Variants in TMEM237 observed in about 807,000 individuals in gnomAD.
TMEM237 encodes amyotrophic lateral sclerosis 2 (juvenile) chromosome region, candidate 4.
A neutral mutation model predicts 59.1 loss-of-function variants in TMEM237; 51 were observed. That is an observed-to-expected ratio of 0.86 (90% confidence interval 0.69 to 1.09). The LOEUF (loss-of-function observed/expected upper bound fraction) is 1.09, where lower values mean the gene tolerates loss of function less well. Among genes scored for constraint, TMEM237 ranks in the 50% least tolerant of loss-of-function variants. The pLI is 0.00. For synonymous variants in TMEM237, 140 were observed against 166.1 expected, an observed-to-expected ratio of 0.84 and a Z score of 1.21; for missense variants, 475 against 478.3, an observed-to-expected ratio of 0.99 and a Z score of 0.06.
Position 201,633,318 on chromosome 2 carries a change from T to C in TMEM237, c.388A>G (p.Lys130Glu), listed in dbSNP as rs1421155601. ...GAATAAATAAATTCCTACTTTGTCT[T>C]CCTCCGAGGTTTTTGAATAACTGCC... The part of the protein sequence containing the change: ...EEAVIQKPRR[K>E]TKKTQPAELQ... Residue 130 changes from lysine (K) to glutamate (E), a missense_variant, in exon 6 of 13, where the codon AAG (lysine) becomes GAG (glutamate). Coordinates refer to ENST00000409883, the MANE Select transcript of TMEM237 (RefSeq NM_001044385.3). 2 of 1,598,214 alleles carry C rather than the reference T, an allele frequency of 1.3e-6. No individual in the cohort carries two copies. The highest frequency in any genetic ancestry group is 2.7e-5 in the African/African-American group (2 of 74,568).
chr2:201,638,594 A>C (rs566759766), intron 4 of TMEM237: 4 of 175,496 alleles, frequency 2.3e-5, no homozygotes, highest in African/African-American at 9.5e-5. Flanking sequence ...CTCATGCTGT[A>C]ATGTAGAGAT....
In TMEM237 at chr2:201,643,018, C is replaced by T. The variant is rs1390424172; in HGVS notation, c.42+341G>A. On this transcript the variant is annotated intron_variant, in intron 1 of 12. Transcript: ENST00000409883. The surrounding 1 kb of genome is among the most constrained non-coding windows in gnomAD (Gnocchi z 4.3). ...ATCTCTTCTGGGCAGCTACAGACCT[C>T]TCCTCGGAGGAGTCTAGGAGAGGCC... The T allele has an allele frequency of 5.4e-6, 7 of 1,289,932 alleles. No homozygotes were observed. The South Asian group carries it at 1.5e-4, about 27-fold the overall frequency. 79.9% of individuals were successfully genotyped at this position (1,289,932 alleles called of 1,614,324 possible).
chr2:201,636,933 C>T, intron 4 of TMEM237, 48 bp from the exon 5 acceptor site: 1 of 1,540,496 alleles, frequency 6.5e-7, no homozygotes, highest in Non-Finnish European at 8.7e-7. Context: ...GAGCAAAGAT[C>T]ACTGAATCTT....
chr2:201,629,986 G>A, intron 7 of TMEM237, 134 bp from the exon 8 acceptor site: 1 of 1,107,414 alleles, frequency 9.0e-7, no homozygotes, highest in Non-Finnish European at 1.3e-6. Flanking sequence ...AATTCTCCTT[G>A]ACTCAGTACC....
Position 201,622,476 on chromosome 2 carries a change from T to A in TMEM237, c.*1779A>T, listed in dbSNP as rs1278364410. The A allele has an allele frequency of 6.6e-6, 1 of 152,296 alleles. No individual in the cohort carries two copies. The highest frequency in any genetic ancestry group is 6.5e-5 in the Admixed American group (1 of 15,292). The allele number at this position is 152,296 out of a possible 1,614,324, so 9.4% of individuals were successfully genotyped here. On this transcript the variant is annotated 3_prime_UTR_variant, in exon 13 of 13. Coordinates refer to ENST00000409883, the MANE Select transcript of TMEM237 (RefSeq NM_001044385.3). ...TAGAACTCAGTTCCTTGTGGTTATG[T>A]GACTGAAATCCATTTCCTTGCTCAT...
chr2:201,639,164 C>T (rs376642280), intron 3 of TMEM237, 119 bp from the exon 4 acceptor site: 60 of 917,040 alleles, frequency 6.5e-5, no homozygotes, highest in Admixed American at 2.6e-4. Flanking sequence ...GCCTGGCAAA[C>T]GTTTATAGAT....
chr2:201,641,884 A>G (rs1212046636), intron 1 of TMEM237, among the ~76,000 whole-genome samples: 1 of 152,178 alleles, frequency 6.6e-6, no homozygotes, highest in African/African-American at 2.4e-5. Context: ...TGTTTCAGGT[A>G]AAAGGACAGC....
chr2:201,640,223 T>G, intron 3 of TMEM237, 38 bp downstream of exon 3: 1 of 1,529,160 alleles, frequency 6.5e-7, no homozygotes, highest in Non-Finnish European at 8.7e-7. Context: ...AACTAATTTT[T>G]GAACACCAAA....
Position 201,643,281 on chromosome 2 carries a change from CACA to C in TMEM237, c.42+75_42+77del. The C allele has an allele frequency of 3.7e-5, 50 of 1,335,340 alleles. No homozygotes were observed. Among genetic ancestry groups the C allele is most frequent in the Non-Finnish European group, 4.6e-5 (44 of 960,358 alleles). The allele number at this position is 1,335,340 out of a possible 1,614,324, so 82.7% of individuals were successfully genotyped here. A position where few individuals can be genotyped will look rare whatever the true frequency, so the allele number is the denominator to read the frequency against. On this transcript the variant is annotated intron_variant, in intron 1 of 12. Transcript: ENST00000409883. The surrounding 1 kb of genome is among the most constrained non-coding windows in gnomAD (Gnocchi z 4.3). ...GATTCCCAGCTCGTTGGCGCCCCCC[CACA>C]CACACCCACCCCCACTGCCAAGTGT...
chr2:201,640,824 C>T, intron 2 of TMEM237, 69 bp downstream of exon 2: 1 of 1,318,068 alleles, frequency 7.6e-7, no homozygotes, highest in Non-Finnish European at 1.0e-6. Context: ...TGATACTAGT[C>T]AATTTTTCCA....
intron 12 of TMEM237, among the ~76,000 whole-genome samples, chr2:201,625,649 A>G (rs1414835512): frequency 6.6e-6 from 1 of 152,098 alleles, no homozygotes; most frequent in Non-Finnish European, 1.5e-5. Context: ...TGACTTGAGT[A>G]TGTGTCCGAC....
At chr2:201,641,192 A>G (rs1336239053) in intron 1 of TMEM237, among the ~76,000 whole-genome samples, 2 of 152,100 alleles carry the variant, frequency 1.3e-5, no homozygotes, top group Admixed American at 6.5e-5. Flanking sequence ...GGGTTTCACC[A>G]TGTTGGCCAG....
chr2:201,639,094 T>A lies in TMEM237; in HGVS notation c.80-49A>T, dbSNP rs370357239. 386 of 1,495,240 alleles carry A rather than the reference T, an allele frequency of 2.6e-4. 2 individuals are homozygous for A. Among genetic ancestry groups the A allele is most frequent in the Admixed American group, 8.0e-5 (4 of 49,812 alleles). 92.6% of individuals were successfully genotyped at this position (1,495,240 alleles called of 1,614,324 possible). On this transcript the variant is annotated intron_variant, in intron 3 of 12. Coordinates refer to ENST00000409883, the MANE Select transcript of TMEM237 (RefSeq NM_001044385.3). ...ACAGAAAAGGGTGCCTAAAATTCAA[T>A]GCAGAGAACAGTCAGAAGAGAACTT... is the stretch of plus-strand genomic sequence containing the variant.
In TMEM237 at chr2:201,623,766, A is replaced by G. The variant is rs1168901427; in HGVS notation, c.*489T>C. On this transcript the variant is annotated 3_prime_UTR_variant, in exon 13 of 13. Coordinates refer to ENST00000409883, the MANE Select transcript of TMEM237 (RefSeq NM_001044385.3). Reference sequence around the variant, plus strand: ...AGCATCTTTCAAGCTAAATTATATTATAATTATTACATGATACTCAATCAC... The same window carrying G: ...AGCATCTTTCAAGCTAAATTATATTGTAATTATTACATGATACTCAATCAC... 1 of 152,882 alleles carries G rather than the reference A, an allele frequency of 6.5e-6. No homozygotes were observed. The highest frequency in any genetic ancestry group is 2.4e-5 in the African/African-American group (1 of 41,466). The allele number at this position is 152,882 out of a possible 1,614,324, so 9.5% of individuals were successfully genotyped here. A position where few individuals can be genotyped will look rare whatever the true frequency, so the allele number is the denominator to read the frequency against.
In TMEM237 at chr2:201,638,927, T is replaced by C; in HGVS notation, c.136+62A>G. 8 of 1,479,754 alleles carry C rather than the reference T, an allele frequency of 5.4e-6. No individual in the cohort carries two copies. In the South Asian group the frequency reaches 9.9e-5, roughly 18 times the overall value. 91.7% of individuals were successfully genotyped at this position (1,479,754 alleles called of 1,614,324 possible). The stretch of plus-strand genomic sequence containing the variant: ...CCTTAATTCTCCCTTATCTGTGATG[T>C]TTACTACGCCTGAGGTCCTGGGAAA... On this transcript the variant is annotated intron_variant, in intron 4 of 12. Transcript: ENST00000409883.
At position 201,628,119 on chromosome 2, in the gene TMEM237, G is replaced by A. The variant is rs1957775637; in HGVS notation, c.900C>T (p.Ile300=). 1 of 1,606,936 alleles carries A rather than the reference G, an allele frequency of 6.2e-7. No individual in the cohort carries two copies. Among genetic ancestry groups the A allele is most frequent in the African/African-American group, 1.3e-5 (1 of 74,808 alleles). The change falls in exon 10 of 13, where the codon ATC becomes ATT. Residue 300 remains isoleucine, a synonymous_variant. Coordinates refer to ENST00000409883, the MANE Select transcript of TMEM237 (RefSeq NM_001044385.3). ...TAGGATCCAGGGCCAAAAAATTTCG[G>A]ATTGCTACTGATATTTTAGCAAAGT... The part of the protein sequence containing the change: ...RIDFAKISVA[I]RNFLALDPTA...
rs140805434 is a variant in TMEM237 at position 201,625,004 on chromosome 2, C to G, written c.1160-682G>C. The stretch of plus-strand genomic sequence containing the variant: ...ATTCTGCATGCTAAGGCTTCTGAGG[C>G]AGATAGGTTGTAAATAGTTGGTCAA... On this transcript the variant is annotated intron_variant, in intron 12 of 12. Coordinates refer to ENST00000409883, the MANE Select transcript of TMEM237 (RefSeq NM_001044385.3). Among the ~76,000 whole-genome samples, 639 of 152,230 alleles carry G rather than the reference C, an allele frequency of 4.2e-3. 11 individuals carry two copies. The highest frequency in any genetic ancestry group is 2.1e-3 in the Non-Finnish European group (143 of 68,022).
intron 6 of TMEM237, among the ~76,000 whole-genome samples, chr2:201,632,490 T>C (rs1302804037): frequency 9.2e-5 from 14 of 152,230 alleles, no homozygotes; most frequent in Non-Finnish European, 4.4e-5. Context: ...TGATAAGGTT[T>C]GGCTATGTCC....
intron 7 of TMEM237, among the ~76,000 whole-genome samples, chr2:201,630,134 A>G (rs1193395925): frequency 6.6e-6 from 1 of 152,200 alleles, no homozygotes; most frequent in East Asian, 1.9e-4. Context: ...TAATAAAAAA[A>G]AATGAACTTT....
Sources: gnomAD v4.1 joint callset for allele counts (sites outside exome capture counted in the v4.1 genomes callset) on GRCh38, gnomAD v4.1.1 for gene constraint, Gnocchi (gnomAD v3.1) non-coding constraint, MANE v1.5 for transcripts, NCBI Gene and HGNC (gene_info 2026-07-23, HGNC 2026-07-21) for gene names.